STARD13: variants seen among roughly 807,000 people sequenced by gnomAD.
STARD13 encodes stAR-related lipid transfer protein 13.
Under a neutral mutation model 106.4 loss-of-function variants are expected in STARD13, and 62 were observed. The ratio of observed to expected loss-of-function variants is 0.58; its 90% CI spans 0.48 to 0.72. The LOEUF is 0.72. Among genes scored for constraint, STARD13 ranks in the 30% least tolerant of loss-of-function variants. The pLI, the probability that STARD13 is intolerant of heterozygous loss-of-function variation, is 0.00. For synonymous variants in STARD13, 565 were observed against 553.0 expected (o/e 1.02, Z -0.31); for missense variants, 1,387 against 1,424.0 (o/e 0.97, Z 0.42).
At chr13:33,609,169 C>T in the STARD13 span, among the ~76,000 whole-genome samples, 1 of 150,260 alleles carries the variant, frequency 6.7e-6, no homozygotes, top group African/African-American at 2.5e-5. Flanking sequence ...TTAAAAGACA[C>T]CATAAACAAA....
rs954522903 is a variant in STARD13, at chr13:33,319,081, T to C, written c.124+31209A>G. 2.0e-5 allele frequency among the ~76,000 whole-genome samples: 3 copies of C among 152,228 alleles called. 1 individual carries two copies. The highest frequency in any genetic ancestry group is 2.1e-4 in the South Asian group (1 of 4,838). On this transcript the variant is annotated intron_variant, in intron 1 of 5. Transcript: ENST00000567873. Reference sequence around the variant, plus strand: ...CAAGAAAATTAAAAACATTTGTTTATAGAAAAATTGTATGTGAATGCTCAC... The same window carrying C: ...CAAGAAAATTAAAAACATTTGTTTACAGAAAAATTGTATGTGAATGCTCAC...
chr13:33,499,531 C>CTTT, the STARD13 span, among the ~76,000 whole-genome samples: 5 of 41,716 alleles, frequency 1.2e-4, no homozygotes, highest in Non-Finnish European at 2.5e-4. Context: ...TCTTCTTCTT[C>CTTT]TTCTTCTTCT....
At chr13:33,239,478 G>GT (rs919397772) in intron 1 of STARD13, among the ~76,000 whole-genome samples, 1 of 152,058 alleles carries the variant, frequency 6.6e-6, no homozygotes, top group African/African-American at 2.4e-5. Context: ...CAGCTGCACT[G>GT]TTTTTTATTC....
At chr13:33,528,474 A>G in the STARD13 span, among the ~76,000 whole-genome samples, 1 of 150,880 alleles carries the variant, frequency 6.6e-6, no homozygotes, top group East Asian at 1.9e-4. Flanking sequence ...AGGTCTCGCT[A>G]TGTTACCCAG....
the STARD13 span, among the ~76,000 whole-genome samples, chr13:33,458,348 C>A: frequency 6.6e-6 from 1 of 151,170 alleles, no homozygotes; most frequent in Non-Finnish European, 1.5e-5. Flanking sequence ...TCTTGGCTCA[C>A]TGCAAGCTCT....
At chr13:33,662,658 A>C in the STARD13 span, among the ~76,000 whole-genome samples, 1 of 152,246 alleles carries the variant, frequency 6.6e-6, no homozygotes, top group African/African-American at 2.4e-5. Flanking sequence ...ATCAGACTGC[A>C]GACAACAAAG....
the STARD13 span, among the ~76,000 whole-genome samples, chr13:33,584,374 G>T: frequency 6.6e-6 from 1 of 152,198 alleles, no homozygotes; most frequent in Admixed American, 6.5e-5. Flanking sequence ...CAGAGCAGGA[G>T]CAAGAAAGAG....
the STARD13 span, among the ~76,000 whole-genome samples, chr13:33,551,863 G>C: frequency 6.6e-6 from 1 of 151,958 alleles, no homozygotes; most frequent in Non-Finnish European, 1.5e-5. Flanking sequence ...CTCCCAAAGT[G>C]CTGGGATTAT....
intron 9 of STARD13, 60 bp from the exon 10 acceptor site, chr13:33,111,952 A>G: frequency 9.5e-7 from 1 of 1,052,832 alleles, no homozygotes; most frequent in Non-Finnish European, 1.5e-6. Context: ...TCACAATACC[A>G]AACTCATCCC....
intron 3 of STARD13, among the ~76,000 whole-genome samples, chr13:33,154,462 G>C (rs558993265): frequency 2.6e-5 from 4 of 152,180 alleles, no homozygotes; most frequent in African/African-American, 9.7e-5. Context: ...CCAGGGACAC[G>C]ATATCTATGT....
chr13:33,232,087 T>C (rs1434052871), intron 1 of STARD13, among the ~76,000 whole-genome samples: 1 of 152,174 alleles, frequency 6.6e-6, no homozygotes. Flanking sequence ...CCAAGATGGG[T>C]GGATCACCTT....
the STARD13 span, among the ~76,000 whole-genome samples, chr13:33,464,024 C>CATATATAT: frequency 6.1e-3 from 684 of 112,542 alleles, 20 homozygotes; most frequent in East Asian, 0.031. Flanking sequence ...AAAAAAAATA[C>CATATATAT]ATATATATAT....
At chr13:33,597,258 T>A in the STARD13 span, among the ~76,000 whole-genome samples, 1 of 152,342 alleles carries the variant, frequency 6.6e-6, no homozygotes, top group South Asian at 2.1e-4. Flanking sequence ...ATCTTGTGGT[T>A]TTGATTGGCA....
the STARD13 span, among the ~76,000 whole-genome samples, chr13:33,663,417 G>T: frequency 2.6e-5 from 4 of 152,198 alleles, no homozygotes; most frequent in South Asian, 4.1e-4. Flanking sequence ...AGCTGCTAGG[G>T]TATAGTTTAT....
upstream of STARD13, among the ~76,000 whole-genome samples, chr13:33,353,265 C>T (rs2078096629): frequency 6.6e-6 from 1 of 152,226 alleles, no homozygotes; most frequent in South Asian, 2.1e-4. Flanking sequence ...GTCAACACTG[C>T]AATCTGGGCT....
chr13:33,457,120 A>T, the STARD13 span, among the ~76,000 whole-genome samples: 1 of 152,234 alleles, frequency 6.6e-6, no homozygotes, highest in Non-Finnish European at 1.5e-5. Flanking sequence ...ATTCCTTAGC[A>T]AGCAGGATGT....
the STARD13 span, among the ~76,000 whole-genome samples, chr13:33,610,480 A>T: frequency 6.6e-6 from 1 of 152,268 alleles, no homozygotes; most frequent in African/African-American, 2.4e-5. Context: ...ACAGCACCGC[A>T]GGTGGCTTTG....
At chr13:33,243,277 T>C (rs961962590) in intron 1 of STARD13, among the ~76,000 whole-genome samples, 1 of 152,132 alleles carries the variant, frequency 6.6e-6, no homozygotes, top group Non-Finnish European at 1.5e-5. Flanking sequence ...AGTACAAAAG[T>C]AAATAGAAAT....
At chr13:33,347,786 T>G (rs1431745462), downstream of STARD13, among the ~76,000 whole-genome samples, 1 of 152,224 alleles carries the variant, frequency 6.6e-6, no homozygotes, top group Non-Finnish European at 1.5e-5. Context: ...TTTCTTAGAC[T>G]ATATCCTCAT....
Sources: gnomAD v4.1 joint callset for allele counts (sites outside exome capture counted in the v4.1 genomes callset) on GRCh38, gnomAD v4.1.1 for gene constraint, MANE v1.5 for transcripts, NCBI Gene and HGNC (gene_info 2026-07-23, HGNC 2026-07-21) for gene names.